Variants in EFCAB13 observed in about 807,000 individuals in gnomAD.
EFCAB13 encodes EF-hand calcium-binding domain-containing protein 13.
EFCAB13 carries 91 observed loss-of-function variants against 110.2 expected under a neutral mutation model. That is an observed-to-expected ratio of 0.83 (90% CI 0.70 to 0.98). The LOEUF is 0.98. Among genes scored for constraint, EFCAB13 ranks in the 50% least tolerant of loss-of-function variants. The pLI is 0.00. For synonymous variants in EFCAB13, 323 were observed against 369.9 expected (o/e 0.87, Z 1.45); for missense variants, 968 against 1,119.4 (o/e 0.86, Z 1.93).
intron 24 of EFCAB13, among the ~76,000 whole-genome samples, chr17:47,439,707 C>A (rs74343071): frequency 3.3e-5 from 5 of 152,024 alleles, no homozygotes; most frequent in Non-Finnish European, 7.4e-5. Flanking sequence ...GTGTTTCTAA[C>A]CTTTTTTTCT....
chr17:47,420,390 G>A (rs1274591969), intron 23 of EFCAB13, among the ~76,000 whole-genome samples: 20 of 152,214 alleles, frequency 1.3e-4, no homozygotes, highest in African/African-American at 3.6e-4. Flanking sequence ...AGTGAGGAGC[G>A]TCTCTGCCTG....
chr17:47,328,573 T>C (rs1210461351), intron 4 of EFCAB13, among the ~76,000 whole-genome samples, 190 bp downstream of exon 4: 1 of 152,206 alleles, frequency 6.6e-6, no homozygotes, highest in Non-Finnish European at 1.5e-5. Context: ...ACAACCCATA[T>C]AATACTGAGA....
At chr17:47,379,338 T>TA in intron 14 of EFCAB13, 85 bp downstream of exon 14, 1 of 1,038,970 alleles carries the variant, frequency 9.6e-7, no homozygotes, top group Non-Finnish European at 1.5e-6. Flanking sequence ...TGGGCTTGCT[T>TA]TTGGATGGAT....
At chr17:47,386,154 C>T (rs1312671702) in intron 14 of EFCAB13, among the ~76,000 whole-genome samples, 1 of 152,236 alleles carries the variant, frequency 6.6e-6, no homozygotes, top group Non-Finnish European at 1.5e-5. Flanking sequence ...AGCTCAAGCG[C>T]TGTGCTGGGA....
chr17:47,402,058 T>G, intron 17 of EFCAB13, 74 bp from the exon 18 acceptor site: 1 of 1,180,214 alleles, frequency 8.5e-7, no homozygotes. Flanking sequence ...ATGGTTTACA[T>G]TTTTATAGGT....
chr17:47,429,666 C>T, intron 23 of EFCAB13, 152 bp from the exon 24 acceptor site: 1 of 969,534 alleles, frequency 1.0e-6, no homozygotes, highest in Non-Finnish European at 1.4e-6. Context: ...TATTGTAATA[C>T]ACTCTGGTTT....
chr17:47,400,150 T>G (rs2065771261), intron 17 of EFCAB13, among the ~76,000 whole-genome samples: 1 of 152,258 alleles, frequency 6.6e-6, no homozygotes, highest in Admixed American at 6.5e-5. Context: ...TGAAATTAGC[T>G]TAATAACTTT....
intron 20 of EFCAB13, among the ~76,000 whole-genome samples, chr17:47,406,607 A>G (rs2065806694): frequency 6.6e-6 from 1 of 152,210 alleles, no homozygotes; most frequent in Non-Finnish European, 1.5e-5. Flanking sequence ...TACGCTAGGT[A>G]AGGTACATTC....
chr17:47,347,891 T>C lies in EFCAB13; in HGVS notation c.601T>C (p.Leu201=). The change falls in exon 9 of 25, where the codon TTG becomes CTG. Residue 201 remains leucine (L), a synonymous_variant. Transcript: ENST00000331493. ...TGATCTTCCAGTGATCCTTTGCATC[T>C]TGAGAATTTCTATAAGTGATTTAGA... The part of the protein sequence containing the change: ...VNDLPVILCI[L]RISISDLEMR... The C allele has an allele frequency of 6.4e-7, 1 of 1,550,602 alleles. No individual in the cohort carries two copies. The highest frequency in any genetic ancestry group is 8.8e-7 in the Non-Finnish European group (1 of 1,139,186).
At chr17:47,328,240 A>G (rs755646702) in intron 3 of EFCAB13, 29 bp from the exon 4 acceptor site, 3 of 929,112 alleles carry the variant, frequency 3.2e-6, no homozygotes, top group African/African-American at 3.3e-5. Context: ...AAACAAGCGT[A>G]TGATTTCTTC....
In EFCAB13 at chr17:47,374,962, T is replaced by C. The variant is rs2143362781; in HGVS notation, c.1368T>C (p.Thr456=). 6.4e-7 allele frequency: 1 copy of C among 1,555,094 alleles called. No individual in the cohort carries two copies. The highest frequency in any genetic ancestry group is 8.6e-7 in the Non-Finnish European group (1 of 1,158,986). Residue 456 remains threonine (T), a synonymous_variant, in exon 12 of 25, where the codon ACT becomes ACC. Coordinates refer to ENST00000331493, the MANE Select transcript of EFCAB13 (RefSeq NM_152347.5). ...VSSTEKTAIS[T]LENFCEAISK... The stretch of plus-strand genomic sequence containing the variant: ...CTACGGAAAAAACTGCAATTAGTAC[T>C]CTGGGTAAGTAAAAATCTAGGTTCT...
Position 47,325,931 on chromosome 17 carries a change from T to TATATATATATATATAAACAAA in EFCAB13, c.-247-280_-247-279insAACAAAATATATATATATATA, listed in dbSNP as rs1667901893. 8.0e-5 allele frequency among the ~76,000 whole-genome samples: 3 copies of TATATATATATATATAAACAAA among 37,540 alleles called. No individual in the cohort carries two copies. The East Asian group carries it at 2.3e-3, about 29-fold the overall frequency. The allele number at this position is 37,540 out of a possible 152,430, so 24.6% of individuals were successfully genotyped here. A position where few individuals can be genotyped will look rare whatever the true frequency, so the allele number is the denominator to read the frequency against. ...TATATATATATAAACAAAATATATA[T>TATATATATATATATAAACAAA]ATATATATATATATATATATATATA... On this transcript the variant is annotated intron_variant, in intron 2 of 24. Transcript: ENST00000331493.
intron 20 of EFCAB13, among the ~76,000 whole-genome samples, chr17:47,406,086 C>G (rs978634036): frequency 2.6e-5 from 4 of 152,066 alleles, no homozygotes; most frequent in Non-Finnish European, 5.9e-5. Flanking sequence ...TAGGAGGAAA[C>G]TTTAAATTTC....
intron 14 of EFCAB13, among the ~76,000 whole-genome samples, chr17:47,387,830 A>G (rs2065685004): frequency 6.6e-6 from 1 of 152,162 alleles, no homozygotes; most frequent in African/African-American, 2.4e-5. Context: ...GGATTTTTGC[A>G]CTTTGCCTGT....
At chr17:47,435,425 G>C (rs1905193790) in intron 24 of EFCAB13, among the ~76,000 whole-genome samples, 1 of 152,120 alleles carries the variant, frequency 6.6e-6, no homozygotes, top group African/African-American at 2.4e-5. Flanking sequence ...TGGTGGGAGT[G>C]TAAACTAATA....
At chr17:47,393,270 G>T (rs1342983134) in intron 15 of EFCAB13, among the ~76,000 whole-genome samples, 1 of 152,114 alleles carries the variant, frequency 6.6e-6, no homozygotes, top group Non-Finnish European at 1.5e-5. Context: ...GTTATTCTAA[G>T]TATTGGTAAA....
At chr17:47,412,950 T>G in intron 22 of EFCAB13, 34 bp downstream of exon 22, 8 of 1,591,804 alleles carry the variant, frequency 5.0e-6, no homozygotes, top group Non-Finnish European at 6.8e-6. Flanking sequence ...TTCTTTTCAT[T>G]TTTTTTCTAC....
intron 2 of EFCAB13, among the ~76,000 whole-genome samples, chr17:47,325,182 TA>T (rs979591739): frequency 8.9e-5 from 13 of 146,190 alleles, no homozygotes; most frequent in African/African-American, 1.8e-4. Context: ...TCCAGCTGAT[TA>T]AAAAAAAAAT....
At chr17:47,380,231 G>GC (rs2065639210) in intron 14 of EFCAB13, among the ~76,000 whole-genome samples, 2 of 150,462 alleles carry the variant, frequency 1.3e-5, no homozygotes, top group South Asian at 4.2e-4. Flanking sequence ...CCCCCTACTA[G>GC]CCCCCTACCC....
Sources: gnomAD v4.1 joint callset for allele counts (sites outside exome capture counted in the v4.1 genomes callset) on GRCh38, gnomAD v4.1.1 for gene constraint, MANE v1.5 for transcripts, NCBI Gene and HGNC (gene_info 2026-07-23, HGNC 2026-07-21) for gene names.